The following MSI2 variants were observed in gnomAD, a reference collection of about 807,000 sequenced individuals.
The protein encoded by MSI2 is musashi RNA binding protein 2, also known as RNA-binding protein Musashi homolog 2.
A neutral mutation model predicts 45.6 loss-of-function variants in MSI2; 17 were observed. The observed-to-expected ratio is 0.37, with a 90% CI of 0.26 to 0.56. The LOEUF is 0.56. Ranked by LOEUF, MSI2 falls within the 20% of genes least tolerant of loss-of-function variation. The pLI is 0.77. For missense variants in MSI2, 293 were observed against 444.2 expected, an observed-to-expected ratio of 0.66 and a Z score of 3.06; for synonymous variants, 156 against 158.2, an observed-to-expected ratio of 0.99 and a Z score of 0.11.
At chr17:57,616,133 A>G (rs1196297331) in intron 9 of MSI2, 49 bp downstream of exon 9, 5 of 1,467,748 alleles carry the variant, frequency 3.4e-6, no homozygotes, top group Non-Finnish European at 4.7e-6. Context: ...AGGGCTATGG[A>G]GGCCTCTACT....
chr17:57,542,531 C>G (rs1255543903), intron 7 of MSI2, among the ~76,000 whole-genome samples: 1 of 152,146 alleles, frequency 6.6e-6, no homozygotes, highest in Non-Finnish European at 1.5e-5. Context: ...ACACTAAAAT[C>G]CCCTGGGGAG....
intron 5 of MSI2, among the ~76,000 whole-genome samples, chr17:57,273,464 AT>A (rs752793064): frequency 0.06 from 6,012 of 100,700 alleles, 188 homozygotes; most frequent in African/African-American, 0.14. Flanking sequence ...GTTAAAAATG[AT>A]TTTTTTTTTT....
At chr17:57,463,203 T>C (rs1483043253) in intron 6 of MSI2, among the ~76,000 whole-genome samples, 2 of 151,974 alleles carry the variant, frequency 1.3e-5, no homozygotes, top group Non-Finnish European at 2.9e-5. Context: ...CCGTCTGGAG[T>C]GTCAAGCCTG....
At chr17:57,585,734 G>A (rs926058559) in intron 7 of MSI2, among the ~76,000 whole-genome samples, 1 of 152,242 alleles carries the variant, frequency 6.6e-6, no homozygotes, top group Non-Finnish European at 1.5e-5. Context: ...AGAACTTCCA[G>A]CTGATACCCC....
At chr17:57,501,475 T>C (rs2086105740) in intron 6 of MSI2, among the ~76,000 whole-genome samples, 1 of 152,248 alleles carries the variant, frequency 6.6e-6, no homozygotes, top group African/African-American at 2.4e-5. Flanking sequence ...CAGGCCCTGT[T>C]AGCTTTCAAG....
chr17:57,587,695 C>T (rs901349701), intron 7 of MSI2, among the ~76,000 whole-genome samples: 1 of 152,194 alleles, frequency 6.6e-6, no homozygotes, highest in African/African-American at 2.4e-5. Context: ...CTTGCCTGTG[C>T]TTGAGCCACT....
intron 12 of MSI2, among the ~76,000 whole-genome samples, 183 bp from the exon 13 acceptor site, chr17:57,676,804 G>A (rs937060021): frequency 6.6e-6 from 1 of 152,194 alleles, no homozygotes; most frequent in Admixed American, 6.5e-5. Flanking sequence ...CGGAGGGAGT[G>A]GGGACTAGGG....
At chr17:57,424,581 TG>T (rs1375243575) in intron 6 of MSI2, among the ~76,000 whole-genome samples, 1 of 152,156 alleles carries the variant, frequency 6.6e-6, no homozygotes, top group African/African-American at 2.4e-5. Flanking sequence ...GTCTGTGTGG[TG>T]TGAGGCTTGG....
chr17:57,569,466 G>T (rs1179670763), intron 7 of MSI2, among the ~76,000 whole-genome samples: 1 of 152,214 alleles, frequency 6.6e-6, no homozygotes, highest in Non-Finnish European at 1.5e-5. Context: ...TCTGAAATGA[G>T]CCCTCCATTT....
chr17:57,334,082 CG>C (rs1308818292), intron 5 of MSI2, among the ~76,000 whole-genome samples: 1 of 152,180 alleles, frequency 6.6e-6, no homozygotes, highest in Non-Finnish European at 1.5e-5. Context: ...CATCCCCAAC[CG>C]GGGGCCATTC....
intron 6 of MSI2, among the ~76,000 whole-genome samples, chr17:57,497,103 A>G (rs1026299394): frequency 6.6e-6 from 1 of 152,096 alleles, no homozygotes; most frequent in African/African-American, 2.4e-5. Context: ...TCGCCTCCCA[A>G]GTAGCTAGGA....
rs114279060 is a variant in MSI2 at position 57,513,316 on chromosome 17, G to C, written c.406-16360G>C. Among the ~76,000 whole-genome samples, 376 of 152,232 alleles carry C rather than the reference G, an allele frequency of 2.5e-3. 2 individuals are homozygous for C. Among genetic ancestry groups the C allele is most frequent in the African/African-American group, 8.5e-3 (355 of 41,550 alleles). ...TGCTCATAACAGCACTATGAGATAG[G>C]TACCAACTTGAAGTGAAGTAACAGA... On this transcript the variant is annotated intron_variant, in intron 6 of 13. Coordinates refer to ENST00000284073, the MANE Select transcript of MSI2 (RefSeq NM_138962.4).
rs528708376 is a variant in MSI2, at chr17:57,322,736, A to G, written c.312+60544A>G. On this transcript the variant is annotated intron_variant, in intron 5 of 13. Transcript: ENST00000284073. Reference sequence around the variant, plus strand: ...ATTGGGTTTTCTCTCTTCTCCTGAAAGGCTCTTGTTGACAGCAGACAGCTT... The same window carrying G: ...ATTGGGTTTTCTCTCTTCTCCTGAAGGGCTCTTGTTGACAGCAGACAGCTT... 1.8e-3 allele frequency among the ~76,000 whole-genome samples: 281 copies of G among 152,286 alleles called. 1 individual carries two copies. Among genetic ancestry groups the G allele is most frequent in the African/African-American group, 6.6e-3 (273 of 41,566 alleles).
intron 13 of MSI2, 146 bp downstream of exon 13, chr17:57,677,205 G>C (rs1049457330): frequency 1.6e-6 from 1 of 616,166 alleles, no homozygotes; most frequent in South Asian, 2.0e-5. Context: ...GGAGGGTGGG[G>C]GCAAAAGCAA....
chr17:57,330,968 C>T (rs987589963), intron 5 of MSI2, among the ~76,000 whole-genome samples: 86 of 149,972 alleles, frequency 5.7e-4, no homozygotes, highest in African/African-American at 2.0e-3. Context: ...AGTGCAGTGG[C>T]GCCATCTTGG....
At chr17:57,431,957 C>T (rs542637240) in intron 6 of MSI2, among the ~76,000 whole-genome samples, 1 of 152,358 alleles carries the variant, frequency 6.6e-6, no homozygotes, top group South Asian at 2.1e-4. Context: ...AGGCTTCCCC[C>T]AGTCTGTAGG....
chr17:57,302,806 T>C (rs1018761200), intron 5 of MSI2, among the ~76,000 whole-genome samples: 1 of 152,150 alleles, frequency 6.6e-6, no homozygotes, highest in African/African-American at 2.4e-5. Flanking sequence ...TTCATGTAAA[T>C]AGGCAAATAA....
intron 5 of MSI2, among the ~76,000 whole-genome samples, chr17:57,293,103 C>T (rs1323027998): frequency 6.6e-6 from 1 of 151,138 alleles, no homozygotes; most frequent in East Asian, 1.9e-4. Context: ...TGCATTGGCT[C>T]ATTAAGGTTA....
At chr17:57,362,057 AG>A (rs1916851657) in intron 5 of MSI2, among the ~76,000 whole-genome samples, 1 of 152,218 alleles carries the variant, frequency 6.6e-6, no homozygotes, top group Admixed American at 6.5e-5. Flanking sequence ...CTATTAGGAA[AG>A]GGGTCTACCT....
Sources: gnomAD v4.1 joint callset for allele counts (sites outside exome capture counted in the v4.1 genomes callset) on GRCh38, gnomAD v4.1.1 for gene constraint, MANE v1.5 for transcripts, NCBI Gene and HGNC (gene_info 2026-07-23, HGNC 2026-07-21) for gene names.